The following TNNI3K variants were observed in gnomAD, a reference collection of about 807,000 sequenced individuals.
TNNI3K encodes serine/threonine-protein kinase TNNI3K.
Under a neutral mutation model 114.5 loss-of-function variants are expected in TNNI3K, and 140 were observed. That is an observed-to-expected ratio of 1.22 (90% CI 1.07 to 1.41). TNNI3K has a LOEUF of 1.41. Among genes scored for constraint, TNNI3K ranks in the 40% most tolerant of loss-of-function variants. The pLI, the probability that TNNI3K is intolerant of heterozygous loss-of-function variation, is 0.00. For synonymous variants in TNNI3K, 347 were observed against 347.5 expected, an observed-to-expected ratio of 1.00 and a Z score of 0.02; for missense variants, 1,125 against 1,007.6, an observed-to-expected ratio of 1.12 and a Z score of -1.58.
chr1:74,540,606 TA>T lies in TNNI3K; in HGVS notation c.2431+308del, dbSNP rs5775242. Among the ~76,000 whole-genome samples, 73,977 of 147,088 alleles carry T rather than the reference TA, an allele frequency of 0.5. 19,431 individuals are homozygous for T. Among genetic ancestry groups the T allele is most frequent in the East Asian group, 0.69 (3,417 of 4,978 alleles). On this transcript the variant is annotated intron_variant, in intron 24 of 24. Coordinates refer to ENST00000326637, the MANE Select transcript of TNNI3K (RefSeq NM_015978.3). ...ATAGAAAAAAGTACAACTCTTTTTT[TA>T]AAAAAAAAAAAAAACTCCTTCCTCT... is the stretch of plus-strand genomic sequence containing the variant.
intron 5 of TNNI3K, among the ~76,000 whole-genome samples, chr1:74,289,991 T>C (rs1657578195): frequency 6.6e-6 from 1 of 151,816 alleles, no homozygotes; most frequent in African/African-American, 2.4e-5. Context: ...CTATGAATTT[T>C]TGTAGCTTGG....
chr1:74,453,418 C>T (rs1252520756), intron 20 of TNNI3K, among the ~76,000 whole-genome samples: 2 of 152,082 alleles, frequency 1.3e-5, no homozygotes, highest in African/African-American at 2.4e-5. Context: ...TTATGTGAAG[C>T]ATCAGATTCA....
At chr1:74,289,351 C>A (rs1055854473) in intron 5 of TNNI3K, among the ~76,000 whole-genome samples, 1 of 151,816 alleles carries the variant, frequency 6.6e-6, no homozygotes, top group African/African-American at 2.4e-5. Context: ...TTTAATATAT[C>A]TTTTGACCAT....
At chr1:74,364,985 G>C (rs1662188791) in intron 11 of TNNI3K, among the ~76,000 whole-genome samples, 1 of 151,986 alleles carries the variant, frequency 6.6e-6, no homozygotes, top group Non-Finnish European at 1.5e-5. Flanking sequence ...GTCATAACTA[G>C]CAATAGCAGC....
At chr1:74,360,696 G>A (rs901859467) in intron 11 of TNNI3K, among the ~76,000 whole-genome samples, 1 of 151,878 alleles carries the variant, frequency 6.6e-6, no homozygotes, top group South Asian at 2.1e-4. Flanking sequence ...TTGCCACTTG[G>A]TCTTCAAGAC....
chr1:74,241,912 C>G (rs573615598), intron 2 of TNNI3K, among the ~76,000 whole-genome samples: 1 of 149,412 alleles, frequency 6.7e-6, no homozygotes, highest in Non-Finnish European at 1.5e-5. Flanking sequence ...TGCAGTGGCG[C>G]GATCTAGGCT....
chr1:74,363,930 A>T (rs111428653), intron 11 of TNNI3K, among the ~76,000 whole-genome samples: 4 of 149,330 alleles, frequency 2.7e-5, no homozygotes, highest in Admixed American at 6.7e-5. Context: ...AAATAAAAAA[A>T]AACCTTAGAA....
intron 20 of TNNI3K, among the ~76,000 whole-genome samples, chr1:74,454,034 C>T (rs1168819968): frequency 1.3e-5 from 2 of 152,076 alleles, no homozygotes; most frequent in East Asian, 1.9e-4. Flanking sequence ...TTTATTTAAC[C>T]TATCTATACC....
chr1:74,386,880 A>G (rs1663509066), intron 17 of TNNI3K, among the ~76,000 whole-genome samples: 1 of 152,152 alleles, frequency 6.6e-6, no homozygotes, highest in Non-Finnish European at 1.5e-5. Context: ...TATAGTTTAC[A>G]TTGATCTCAT....
At chr1:74,267,071 TAG>T (rs1656040131) in intron 4 of TNNI3K, among the ~76,000 whole-genome samples, 1 of 151,982 alleles carries the variant, frequency 6.6e-6, no homozygotes, top group South Asian at 2.1e-4. Context: ...TAAATTTGGC[TAG>T]AGAGTGCATA....
chr1:74,321,624 T>G (rs978117317), intron 5 of TNNI3K, among the ~76,000 whole-genome samples: 1 of 151,906 alleles, frequency 6.6e-6, no homozygotes, highest in African/African-American at 2.4e-5. Flanking sequence ...TATACATAAG[T>G]TAGTGTGTGT....
intron 21 of TNNI3K, among the ~76,000 whole-genome samples, chr1:74,482,936 G>A (rs374422590): frequency 3.9e-5 from 6 of 152,170 alleles, no homozygotes; most frequent in African/African-American, 1.4e-4. Context: ...CTTCCAGCTG[G>A]TGGTAGAGTT....
At chr1:74,417,002 A>G (rs1207161425) in intron 17 of TNNI3K, among the ~76,000 whole-genome samples, 1 of 152,024 alleles carries the variant, frequency 6.6e-6, no homozygotes, top group African/African-American at 2.4e-5. Context: ...TCCTATGGCT[A>G]TCTATGGTCA....
At chr1:74,445,201 C>G (rs1029510687) in intron 20 of TNNI3K, among the ~76,000 whole-genome samples, 2 of 130,020 alleles carry the variant, frequency 1.5e-5, no homozygotes, top group Non-Finnish European at 3.2e-5. Flanking sequence ...AACTAAAGAA[C>G]TTCTTTTTTT....
intron 21 of TNNI3K, chr1:74,475,574 C>A (rs1271863770): frequency 1.4e-6 from 1 of 717,252 alleles, no homozygotes; most frequent in African/African-American, 1.7e-5. Flanking sequence ...TGGCTATTTT[C>A]CTGTAAAAGT....
At chr1:74,445,543 C>G (rs577041112) in intron 20 of TNNI3K, among the ~76,000 whole-genome samples, 1 of 149,734 alleles carries the variant, frequency 6.7e-6, no homozygotes, top group Non-Finnish European at 1.5e-5. Context: ...CTACAAAGGA[C>G]GTGAACTCAT....
At chr1:74,499,163 T>C (rs1325813987) in intron 23 of TNNI3K, among the ~76,000 whole-genome samples, 1 of 152,204 alleles carries the variant, frequency 6.6e-6, no homozygotes, top group East Asian at 1.9e-4. Context: ...ACTCAGGGTC[T>C]TTACTTTTCC....
chr1:74,451,683 T>TTTTCTTTTCTTTTCTTTTCCTTTCTTTC (rs1553148031), intron 20 of TNNI3K, among the ~76,000 whole-genome samples: 2 of 76,216 alleles, frequency 2.6e-5, no homozygotes, highest in South Asian at 5.3e-4. Flanking sequence ...TTTTCTTTTC[T>TTTTCTTTTCTTTTCTTTTCCTTTCTTTC]TTTCTTTCTT....
chr1:74,237,149 T>C (rs571716599), intron 2 of TNNI3K, among the ~76,000 whole-genome samples: 92 of 152,100 alleles, frequency 6.0e-4, no homozygotes, highest in Non-Finnish European at 1.1e-3. Flanking sequence ...TCAATGGATG[T>C]AACAAGGCTT....
Sources: gnomAD v4.1 joint callset for allele counts (sites outside exome capture counted in the v4.1 genomes callset) on GRCh38, gnomAD v4.1.1 for gene constraint, MANE v1.5 for transcripts, NCBI Gene and HGNC (gene_info 2026-07-23, HGNC 2026-07-21) for gene names.